Variants in CUL5 observed in about 807,000 individuals in gnomAD.
CUL5 encodes the protein cullin 5, also known as cullin-5.
In CUL5, 26 loss-of-function variants were observed where a neutral mutation model predicts 108.8. The observed-to-expected ratio is 0.24, with a 90% CI of 0.18 to 0.33. The LOEUF (loss-of-function observed/expected upper bound fraction) is 0.33. Ranked by LOEUF, CUL5 falls within the 10% of genes least tolerant of loss-of-function variation. The pLI is 1.00. For synonymous variants in CUL5, 334 were observed against 298.0 expected, an observed-to-expected ratio of 1.12 and a Z score of -1.25; for missense variants, 524 against 909.2, an observed-to-expected ratio of 0.58 and a Z score of 5.45.
intron 1 of CUL5, among the ~76,000 whole-genome samples, chr11:108,017,590 C>A (rs1311491608): frequency 6.6e-6 from 1 of 151,722 alleles, no homozygotes; most frequent in African/African-American, 2.4e-5. Flanking sequence ...AGGCTCACGC[C>A]TGTAATTGCA....
intron 12 of CUL5, 150 bp from the exon 13 acceptor site, chr11:108,089,342 A>G (rs761111982): frequency 4.3e-5 from 20 of 467,276 alleles, no homozygotes; most frequent in East Asian, 3.7e-5. Flanking sequence ...AGGACTGGGT[A>G]TTTCTCAGAG....
chr11:108,033,064 A>G (rs527805884), intron 1 of CUL5, among the ~76,000 whole-genome samples: 9 of 152,316 alleles, frequency 5.9e-5, no homozygotes, highest in Admixed American at 1.3e-4. Flanking sequence ...AAGCTGTTGT[A>G]CCCATAGTTA....
Position 108,054,623 on chromosome 11 carries a change from AATACTT to A in CUL5, c.554-23_554-18del. The stretch of plus-strand genomic sequence containing the variant: ...TACTGATTTTGATCATAATTGGAGT[AATACTT>A]TATTTTCTGTTTTTCAGTTAACCTT... On this transcript the variant is annotated intron_variant, in intron 5 of 18. Transcript: ENST00000393094. 6.9e-7 allele frequency: 1 copy of A among 1,458,524 alleles called. No homozygotes were observed. The highest frequency in any genetic ancestry group is 2.0e-5 in the Admixed American group (1 of 51,202). 90.3% of individuals were successfully genotyped at this position (1,458,524 alleles called of 1,614,324 possible). A position where few individuals can be genotyped will look rare whatever the true frequency, so the allele number is the denominator to read the frequency against.
At chr11:108,038,316 C>G (rs1374949924) in intron 2 of CUL5, among the ~76,000 whole-genome samples, 1 of 152,086 alleles carries the variant, frequency 6.6e-6, no homozygotes, top group East Asian at 1.9e-4. Context: ...GAGCATAGCC[C>G]TACTAAAGGG....
chr11:108,051,270 C>T (rs781774036), intron 4 of CUL5, among the ~76,000 whole-genome samples: 1 of 152,158 alleles, frequency 6.6e-6, no homozygotes, highest in East Asian at 1.9e-4. Flanking sequence ...TAATCTTGTC[C>T]TCTTTTTTTG....
intron 2 of CUL5, among the ~76,000 whole-genome samples, chr11:108,043,376 G>A (rs950645937): frequency 6.6e-6 from 1 of 152,142 alleles, no homozygotes; most frequent in Non-Finnish European, 1.5e-5. Context: ...GCCTGGCCCA[G>A]TCTCTTCTTT....
At chr11:108,073,549 A>AT (rs1271510914) in intron 10 of CUL5, 52 bp downstream of exon 10, 5 of 779,994 alleles carry the variant, frequency 6.4e-6, no homozygotes, top group Non-Finnish European at 1.0e-5. Flanking sequence ...TATTCTCATA[A>AT]TTTACTTCTA....
At chr11:108,065,487 G>A (rs959170815) in intron 7 of CUL5, among the ~76,000 whole-genome samples, 2 of 152,148 alleles carry the variant, frequency 1.3e-5, no homozygotes, top group Non-Finnish European at 2.9e-5. Context: ...TGGAATGGGC[G>A]ATTCCCCTCT....
chr11:108,106,952 C>T lies in CUL5; in HGVS notation c.*2568C>T, dbSNP rs1328205072. On this transcript the variant is annotated 3_prime_UTR_variant, in exon 19 of 19. Transcript: ENST00000393094. ...TAGTTTAAAGACAGAGACATCCCAT[C>T]TGGAAAATGTTAACTTGTGTTGCCA... 1 of 150,146 alleles carries T rather than the reference C, an allele frequency of 6.7e-6. No homozygotes were observed. Among genetic ancestry groups the T allele is most frequent in the Non-Finnish European group, 1.5e-5 (1 of 67,718 alleles). 9.3% of individuals were successfully genotyped at this position (150,146 alleles called of 1,614,324 possible).
At chr11:108,053,709 T>C (rs1863299599) in intron 5 of CUL5, among the ~76,000 whole-genome samples, 1 of 151,756 alleles carries the variant, frequency 6.6e-6, no homozygotes, top group East Asian at 1.9e-4. Context: ...AGATGGGGTT[T>C]TGCTCTGTTG....
chr11:108,104,214 A>T lies in CUL5; in HGVS notation c.2173A>T (p.Met725Leu). The change falls in exon 19 of 19, where the codon ATG becomes TTG. Residue 725 changes from methionine (M) to leucine (L), a missense_variant. By Grantham distance (15) the Met-to-Leu change is conservative. Transcript: ENST00000393094. ...TQEAIIQIMKMRKKISNAQLQ... is the reference protein window; with the variant it reads ...TQEAIIQIMKLRKKISNAQLQ... ...GGAAGCTATCATACAAATAATGAAA[A>T]TGAGAAAGAAAATTAGTAATGCTCA... 1 of 1,580,060 alleles carries T rather than the reference A, an allele frequency of 6.3e-7. No individual in the cohort carries two copies. Among genetic ancestry groups the T allele is most frequent in the Non-Finnish European group, 8.6e-7 (1 of 1,167,756 alleles).
At chr11:108,029,895 G>A (rs1314659519) in intron 1 of CUL5, among the ~76,000 whole-genome samples, 1 of 152,074 alleles carries the variant, frequency 6.6e-6, no homozygotes, top group Non-Finnish European at 1.5e-5. Context: ...TTAATTGCAG[G>A]ACTTACACTA....
intron 11 of CUL5, among the ~76,000 whole-genome samples, chr11:108,081,928 C>T (rs1281436516): frequency 6.6e-6 from 1 of 152,192 alleles, no homozygotes; most frequent in Non-Finnish European, 1.5e-5. Context: ...TTTTCAAGAT[C>T]ATTCTGGCTA....
chr11:108,087,247 T>G (rs192189290), intron 11 of CUL5, among the ~76,000 whole-genome samples: 1 of 152,208 alleles, frequency 6.6e-6, no homozygotes, highest in Admixed American at 6.5e-5. Context: ...GAAAAAAGTT[T>G]CATCCACCCC....
intron 1 of CUL5, among the ~76,000 whole-genome samples, chr11:108,025,552 T>C (rs1331924093): frequency 6.6e-6 from 1 of 152,168 alleles, no homozygotes; most frequent in East Asian, 1.9e-4. Context: ...TCAATAACTT[T>C]CTGTGGACTC....
intron 3 of CUL5, among the ~76,000 whole-genome samples, chr11:108,049,124 A>C (rs553057677): frequency 6.6e-6 from 1 of 152,152 alleles, no homozygotes; most frequent in Non-Finnish European, 1.5e-5. Context: ...AAGAAATCCT[A>C]TACCTATGAA....
At position 108,046,607 on chromosome 11, in the gene CUL5, A is replaced by T. The variant is rs112320861; in HGVS notation, c.234+238A>T. Reference sequence around the variant, plus strand: ...ATTTAATTAAAAGATGCTATAGCGAATTCAGTTTTTTATATTTTTTGGGAG... The same window carrying T: ...ATTTAATTAAAAGATGCTATAGCGATTTCAGTTTTTTATATTTTTTGGGAG... On this transcript the variant is annotated intron_variant, in intron 3 of 18. Transcript: ENST00000393094. 8.2e-3 allele frequency: 2,741 copies of T among 334,838 alleles called. 67 individuals carry two copies. The highest frequency in any genetic ancestry group is 0.054 in the African/African-American group (2,535 of 46,600). 20.7% of individuals were successfully genotyped at this position (334,838 alleles called of 1,614,324 possible).
intron 1 of CUL5, among the ~76,000 whole-genome samples, chr11:108,018,755 C>T (rs1862262612): frequency 6.6e-6 from 1 of 152,096 alleles, no homozygotes; most frequent in Non-Finnish European, 1.5e-5. Flanking sequence ...TAAGCCACCT[C>T]ACTTTTGTTG....
intron 13 of CUL5, among the ~76,000 whole-genome samples, chr11:108,090,350 G>A (rs970284006): frequency 4.0e-5 from 6 of 151,816 alleles, no homozygotes; most frequent in South Asian, 2.1e-4. Flanking sequence ...TTAACGAGGC[G>A]TGGTGGTGGG....
Sources: allele counts gnomAD v4.1 joint callset (sites outside exome capture counted in the v4.1 genomes callset), GRCh38; gene constraint gnomAD v4.1.1; transcripts MANE v1.5; gene names NCBI Gene and HGNC (gene_info 2026-07-23, HGNC 2026-07-21).